IL2RB: variants seen among roughly 807,000 people sequenced by gnomAD.
IL2RB encodes the protein interleukin-2 receptor subunit beta.
In IL2RB, 17 loss-of-function variants were observed where a neutral mutation model predicts 44.2. The observed-to-expected ratio is 0.38, with a 90% CI of 0.26 to 0.58. The LOEUF is 0.58. IL2RB is among the 20% of genes least tolerant of loss of function. IL2RB has a pLI of 0.63. For missense variants in IL2RB, 624 were observed against 685.5 expected, an observed-to-expected ratio of 0.91 and a Z score of 1.00; for synonymous variants, 286 against 297.9, an observed-to-expected ratio of 0.96 and a Z score of 0.41.
chr22:37,151,081 G>A (rs1260942235), upstream of IL2RB, among the ~76,000 whole-genome samples: 1 of 152,142 alleles, frequency 6.6e-6, no homozygotes, highest in Non-Finnish European at 1.5e-5. Flanking sequence ...TTTCTTCTGG[G>A]TATATACTCA....
Position 37,143,523 on chromosome 22 carries a change from T to A in IL2RB, c.201A>T (p.Arg67Ser). The A allele has an allele frequency of 6.2e-7, 1 of 1,604,100 alleles. No homozygotes were observed. Among genetic ancestry groups the A allele is most frequent in the Non-Finnish European group, 8.5e-7 (1 of 1,170,886 alleles). ...TGCAGTGTGGCCAGTGGACTCACCG[T>A]CTGTCCGGCCAGGCATGGACTTGGC... ...TSCQVHAWPD[R>S]RRWNQTCELL... Residue 67 changes from arginine (R) to serine (S), a missense_variant and splice_region_variant, in exon 3 of 10, where the codon AGA (arginine) becomes AGT (serine). Transcript: ENST00000216223.
At chr22:37,131,169 A>AAAATAAAT (rs143390835) in intron 9 of IL2RB, among the ~76,000 whole-genome samples, 36 of 150,822 alleles carry the variant, frequency 2.4e-4, no homozygotes, top group African/African-American at 7.8e-4. Context: ...TCCATCTCAA[A>AAAATAAAT]AAATAAATAA....
At position 37,135,414 on chromosome 22, in the gene IL2RB, G is replaced by A. The variant is rs778519038; in HGVS notation, c.732C>T (p.Leu244=). 2.5e-5 allele frequency: 41 copies of A among 1,613,522 alleles called. No individual in the cohort carries two copies. The highest frequency in any genetic ancestry group is 7.7e-5 in the South Asian group (7 of 91,080). ...AALGKDTIPW[L]GHLLVGLSGA... ...CGCTGAGGCCCACGAGGAGGTGGCC[G>A]AGCCACGGAATGGTGTCCTTCCCAA... is the stretch of plus-strand genomic sequence containing the variant. Residue 244 remains leucine, a synonymous_variant, in exon 8 of 10, where the codon CTC becomes CTT. Coordinates refer to ENST00000216223, the MANE Select transcript of IL2RB (RefSeq NM_000878.5).
chr22:37,136,477 A>G, intron 6 of IL2RB, 84 bp from the exon 7 acceptor site: 1 of 1,180,888 alleles, frequency 8.5e-7, no homozygotes, highest in Non-Finnish European at 1.1e-6. Flanking sequence ...CCCCCCCCCA[A>G]CCCCTGCCAG....
intron 1 of IL2RB, among the ~76,000 whole-genome samples, chr22:37,144,846 C>T (rs149244763): frequency 5.3e-5 from 8 of 152,374 alleles, no homozygotes; most frequent in African/African-American, 1.7e-4. Flanking sequence ...ATGTTTTCCT[C>T]TATCTCTCTT....
upstream of IL2RB, among the ~76,000 whole-genome samples, chr22:37,152,463 T>C (rs554226031): frequency 6.6e-6 from 1 of 152,326 alleles, no homozygotes; most frequent in South Asian, 2.1e-4. Flanking sequence ...TCTCATAGTT[T>C]TGTGGTGGCG....
chr22:37,140,640 C>T (rs1444446777), intron 4 of IL2RB, among the ~76,000 whole-genome samples: 1 of 151,388 alleles, frequency 6.6e-6, no homozygotes, highest in African/African-American at 2.4e-5. Context: ...TGTGTGACTC[C>T]ATCTTCACAC....
chr22:37,170,785 C>T (rs1440772941), intron 1 of IL2RB, among the ~76,000 whole-genome samples: 1 of 152,218 alleles, frequency 6.6e-6, no homozygotes, highest in African/African-American at 2.4e-5. Context: ...TAAGACTTTA[C>T]TGCTGATCTC....
intron 6 of IL2RB, 119 bp from the exon 7 acceptor site, chr22:37,136,512 C>T (rs1921712850): frequency 8.8e-7 from 1 of 1,133,526 alleles, no homozygotes; most frequent in Non-Finnish European, 1.2e-6. Context: ...CCTTGCCACC[C>T]AAAGCTCCCT....
chr22:37,157,751 G>C (rs1171615420), intron 1 of IL2RB, among the ~76,000 whole-genome samples: 1 of 151,828 alleles, frequency 6.6e-6, no homozygotes, highest in African/African-American at 2.4e-5. Flanking sequence ...CCTTGCTTAT[G>C]AGTCTACACC....
intron 1 of IL2RB, among the ~76,000 whole-genome samples, chr22:37,171,711 G>A (rs191086761): frequency 5.6e-4 from 86 of 152,286 alleles, no homozygotes; most frequent in African/African-American, 2.0e-3. Context: ...CTTTGCCTAC[G>A]CTAGACTGCA....
intron 1 of IL2RB, chr22:37,166,710 T>C (rs1344328702): frequency 6.6e-6 from 1 of 152,160 alleles, no homozygotes; most frequent in Non-Finnish European, 1.5e-5. Context: ...CAGAGGGCAG[T>C]GCGCGCACCT....
At chr22:37,171,895 C>G (rs1923298779) in intron 1 of IL2RB, among the ~76,000 whole-genome samples, 2 of 152,158 alleles carry the variant, frequency 1.3e-5, no homozygotes, top group African/African-American at 4.8e-5. Context: ...TTGGTTGCTC[C>G]TCCTTTGAGC....
At chr22:37,154,061 C>T (rs1485569697), upstream of IL2RB, among the ~76,000 whole-genome samples, 2 of 152,166 alleles carry the variant, frequency 1.3e-5, no homozygotes, top group African/African-American at 2.4e-5. Flanking sequence ...AAGCCTGAGG[C>T]GCGCAGCCCA....
chr22:37,130,330 G>A (rs1921363080), intron 9 of IL2RB, among the ~76,000 whole-genome samples: 2 of 152,230 alleles, frequency 1.3e-5, no homozygotes, highest in South Asian at 2.1e-4. Context: ...CCCACTGCCT[G>A]TGGCCAGCTA....
intron 7 of IL2RB, 115 bp from the exon 8 acceptor site, chr22:37,135,557 G>C (rs1921646757): frequency 1.5e-6 from 1 of 648,206 alleles, no homozygotes; most frequent in African/African-American, 1.8e-5. Flanking sequence ...GCCTGCGTCT[G>C]GGGGGCTGGG....
At chr22:37,154,653 G>T (rs955659797), upstream of IL2RB, among the ~76,000 whole-genome samples, 3 of 148,114 alleles carry the variant, frequency 2.0e-5, no homozygotes, top group East Asian at 5.9e-4. Flanking sequence ...TCGGCTCATT[G>T]CAAGCTCCGC....
Position 37,162,999 on chromosome 22 carries a change from G to T in IL2RB, c.-34+11959C>A, listed in dbSNP as rs540059419. ...CCCAGGCCAGAGGCTTCTCCCCAGG[G>T]GCATGAGCACTGGACTGAGGGTTTG... On this transcript the variant is annotated intron_variant, in intron 1 of 5. Coordinates refer to the IL2RB transcript ENST00000429622. Among the ~76,000 whole-genome samples the T allele has an allele frequency of 2.6e-5, 4 of 152,316 alleles. No individual in the cohort carries two copies. The South Asian group carries it at 8.3e-4, about 32-fold the overall frequency.
chr22:37,164,660 G>A (rs1923007236), intron 1 of IL2RB, among the ~76,000 whole-genome samples: 1 of 151,964 alleles, frequency 6.6e-6, no homozygotes, highest in Admixed American at 6.6e-5. Context: ...CCCTTCTCAG[G>A]CCCAGAATGC....
Sources: gnomAD v4.1 joint callset for allele counts (sites outside exome capture counted in the v4.1 genomes callset) on GRCh38, gnomAD v4.1.1 for gene constraint, MANE v1.5 for transcripts, NCBI Gene and HGNC (gene_info 2026-07-23, HGNC 2026-07-21) for gene names.